NKAIN3: variants seen among roughly 807,000 people sequenced by gnomAD.
NKAIN3 encodes the protein sodium/potassium transporting ATPase interacting 3.
In NKAIN3, 25 loss-of-function variants were observed where a neutral mutation model predicts 30.2. The ratio of observed to expected loss-of-function variants is 0.83; its 90% CI spans 0.60 to 1.16. The LOEUF (loss-of-function observed/expected upper bound fraction) is 1.16, where lower values mean the gene tolerates loss of function less well. NKAIN3 is among the 50% of genes most tolerant of loss of function. The pLI is 0.00. For synonymous variants in NKAIN3, 91 were observed against 89.6 expected, an observed-to-expected ratio of 1.02 and a Z score of -0.09; for missense variants, 225 against 254.1, an observed-to-expected ratio of 0.89 and a Z score of 0.78.
chr8:62,894,924 CA>C (rs983318081), intron 4 of NKAIN3, among the ~76,000 whole-genome samples: 2 of 152,116 alleles, frequency 1.3e-5, no homozygotes, highest in African/African-American at 4.8e-5. Context: ...GAAGGAAGAA[CA>C]AAAGGATATC....
At chr8:62,798,659 TCTTTTCACCCATGACC>T (rs1055222232) in intron 4 of NKAIN3, among the ~76,000 whole-genome samples, 2 of 152,178 alleles carry the variant, frequency 1.3e-5, no homozygotes, top group African/African-American at 4.8e-5. Flanking sequence ...TCAAAATGTT[TCTTTTCACCCATGACC>T]CTTTTCACCT....
downstream of NKAIN3, among the ~76,000 whole-genome samples, chr8:62,985,416 G>C (rs1348995885): frequency 6.6e-6 from 1 of 152,242 alleles, no homozygotes; most frequent in African/African-American, 2.4e-5. Flanking sequence ...TCACAGGCTG[G>C]TCTCCATCAG....
chr8:62,615,533 G>A (rs954038612), intron 3 of NKAIN3, among the ~76,000 whole-genome samples: 4 of 152,256 alleles, frequency 2.6e-5, no homozygotes, highest in South Asian at 2.1e-4. Context: ...GCCTAGTTCA[G>A]CACTAGAACT....
At chr8:62,397,785 T>G (rs1016604351) in intron 1 of NKAIN3, among the ~76,000 whole-genome samples, 1 of 152,122 alleles carries the variant, frequency 6.6e-6, no homozygotes. Flanking sequence ...AGCTGTCTTG[T>G]GCTACTGTGG....
chr8:62,649,574 T>C (rs1467624732), intron 3 of NKAIN3, among the ~76,000 whole-genome samples: 1 of 152,186 alleles, frequency 6.6e-6, no homozygotes, highest in African/African-American at 2.4e-5. Flanking sequence ...CCATTAGATA[T>C]AATGACAAAG....
chr8:62,717,465 G>T (rs750287562), intron 3 of NKAIN3, among the ~76,000 whole-genome samples: 20 of 150,352 alleles, frequency 1.3e-4, no homozygotes, highest in Non-Finnish European at 3.0e-4. Flanking sequence ...AAGTTGTGTG[G>T]CTTATTGTGT....
At chr8:62,424,580 A>G (rs1804744821) in intron 1 of NKAIN3, among the ~76,000 whole-genome samples, 1 of 151,886 alleles carries the variant, frequency 6.6e-6, no homozygotes, top group African/African-American at 2.4e-5. Flanking sequence ...GGGAAATGCA[A>G]ACCAAAATTA....
At chr8:62,266,283 C>T (rs1812594850) in intron 1 of NKAIN3, among the ~76,000 whole-genome samples, 1 of 152,106 alleles carries the variant, frequency 6.6e-6, no homozygotes, top group African/African-American at 2.4e-5. Flanking sequence ...AGGAGTTATA[C>T]TACTGAAAAC....
At chr8:62,484,069 G>T (rs1272258195) in intron 1 of NKAIN3, among the ~76,000 whole-genome samples, 1 of 152,178 alleles carries the variant, frequency 6.6e-6, no homozygotes, top group African/African-American at 2.4e-5. Flanking sequence ...GTCGGTAGGT[G>T]CTGCCCTCCT....
chr8:62,924,571 A>G (rs1295852992), intron 5 of NKAIN3, among the ~76,000 whole-genome samples: 4 of 152,188 alleles, frequency 2.6e-5, no homozygotes, highest in Admixed American at 6.5e-5. Flanking sequence ...CTCCATTTAT[A>G]TAAATGACAG....
intron 3 of NKAIN3, among the ~76,000 whole-genome samples, chr8:62,614,363 C>CTG (rs1488442215): frequency 6.6e-6 from 1 of 152,170 alleles, no homozygotes; most frequent in African/African-American, 2.4e-5. Flanking sequence ...CAGAGTCTCT[C>CTG]TCTCTGCCCT....
intron 4 of NKAIN3, among the ~76,000 whole-genome samples, chr8:62,809,614 G>C (rs1430030616): frequency 6.6e-6 from 1 of 152,106 alleles, no homozygotes; most frequent in Admixed American, 6.6e-5. Flanking sequence ...TTCTTAAGTG[G>C]TTACACTACT....
chr8:62,299,189 T>A (rs529380651), intron 1 of NKAIN3, among the ~76,000 whole-genome samples: 237 of 152,236 alleles, frequency 1.6e-3, no homozygotes, highest in African/African-American at 5.4e-3. Flanking sequence ...TGTTCTATCA[T>A]TTTTTGCACT....
At chr8:62,446,691 G>A (rs901759199) in intron 1 of NKAIN3, among the ~76,000 whole-genome samples, 3 of 152,012 alleles carry the variant, frequency 2.0e-5, no homozygotes, top group African/African-American at 7.2e-5. Flanking sequence ...ACTACGTCAG[G>A]TACCTCATAT....
At chr8:62,481,757 G>T (rs938186930) in intron 1 of NKAIN3, among the ~76,000 whole-genome samples, 1 of 152,178 alleles carries the variant, frequency 6.6e-6, no homozygotes, top group African/African-American at 2.4e-5. Flanking sequence ...ACTAATCAAA[G>T]AAATCATCGT....
rs1210523679 is a variant in NKAIN3, at chr8:62,277,734, TTTAC to T, written c.54+28614_54+28617del. Among the ~76,000 whole-genome samples the T allele has an allele frequency of 2.0e-5, 3 of 152,194 alleles. No homozygotes were observed. The East Asian group carries it at 5.8e-4, about 29-fold the overall frequency. On this transcript the variant is annotated intron_variant, in intron 1 of 6. Transcript: ENST00000623646. ...GGATATGGCCTTGAATAAAGTTCAC[TTTAC>T]TTACTTTTAAAATCCACTTTTAATT...
intron 5 of NKAIN3, among the ~76,000 whole-genome samples, chr8:62,928,422 T>C (rs1822514616): frequency 6.6e-6 from 1 of 152,178 alleles, no homozygotes; most frequent in South Asian, 2.1e-4. Context: ...TTTGTCACAG[T>C]TCAATCAACT....
intron 3 of NKAIN3, among the ~76,000 whole-genome samples, chr8:62,610,660 A>G (rs1399493737): frequency 6.6e-6 from 1 of 152,096 alleles, no homozygotes; most frequent in Admixed American, 6.6e-5. Flanking sequence ...TTAAAAATGC[A>G]TCCTGTCTCC....
chr8:62,294,053 C>T (rs1275719227), intron 1 of NKAIN3, among the ~76,000 whole-genome samples: 1 of 152,230 alleles, frequency 6.6e-6, no homozygotes, highest in Non-Finnish European at 1.5e-5. Context: ...GGGATGCAAT[C>T]TCCTGGCATG....
Sources: gnomAD v4.1 joint callset for allele counts (sites outside exome capture counted in the v4.1 genomes callset) on GRCh38, gnomAD v4.1.1 for gene constraint, MANE v1.5 for transcripts, NCBI Gene and HGNC (gene_info 2026-07-23, HGNC 2026-07-21) for gene names.